Variants in CHN1 observed in about 807,000 individuals in gnomAD.
The protein encoded by CHN1 is chimerin 1.
A neutral mutation model predicts 59.5 loss-of-function variants in CHN1; 37 were observed. That is an observed-to-expected ratio of 0.62 (90% CI 0.48 to 0.82). The LOEUF (loss-of-function observed/expected upper bound fraction) is 0.82, where lower values mean the gene tolerates loss of function less well. CHN1 is among the 40% of genes least tolerant of loss of function. CHN1 has a pLI of 0.00. For missense variants in CHN1, 469 were observed against 571.0 expected, an observed-to-expected ratio of 0.82 and a Z score of 1.82; for synonymous variants, 206 against 200.4, an observed-to-expected ratio of 1.03 and a Z score of -0.24.
intron 1 of CHN1, among the ~76,000 whole-genome samples, chr2:174,968,551 C>A (rs995100840): frequency 2.0e-5 from 3 of 152,188 alleles, no homozygotes; most frequent in Non-Finnish European, 4.4e-5. Flanking sequence ...GAATAAGTTG[C>A]CAAGGGGCAA....
At chr2:174,904,597 G>A (rs1688488014) in intron 5 of CHN1, among the ~76,000 whole-genome samples, 1 of 152,104 alleles carries the variant, frequency 6.6e-6, no homozygotes, top group African/African-American at 2.4e-5. Context: ...CATGTCAGTC[G>A]GGCTGGTCTC....
chr2:174,991,606 G>A (rs1691550508), intron 1 of CHN1, among the ~76,000 whole-genome samples: 1 of 152,134 alleles, frequency 6.6e-6, no homozygotes, highest in African/African-American at 2.4e-5. Flanking sequence ...ACCTGCCCTT[G>A]ACATGAAACA....
chr2:174,840,448 G>A (rs540974537), intron 7 of CHN1, among the ~76,000 whole-genome samples: 14 of 152,218 alleles, frequency 9.2e-5, no homozygotes, highest in Admixed American at 7.2e-4. Context: ...TTACAGGCAT[G>A]AGCCACTGTG....
At chr2:174,951,970 G>A (rs1017435919) in intron 2 of CHN1, among the ~76,000 whole-genome samples, 194 bp downstream of exon 2, 4 of 152,166 alleles carry the variant, frequency 2.6e-5, no homozygotes, top group South Asian at 2.1e-4. Context: ...CATTCCAGAC[G>A]GAAAACCATA....
intron 3 of CHN1, among the ~76,000 whole-genome samples, chr2:174,937,919 A>T (rs192629377): frequency 6.6e-6 from 1 of 152,316 alleles, no homozygotes; most frequent in East Asian, 1.9e-4. Flanking sequence ...TACATTCTGC[A>T]GAACAATGGG....
chr2:174,861,811 C>T (rs186036323), intron 6 of CHN1, among the ~76,000 whole-genome samples: 2 of 152,278 alleles, frequency 1.3e-5, no homozygotes, highest in African/African-American at 4.8e-5. Context: ...GTTTAGGATT[C>T]ATGAACTGTA....
At chr2:174,956,374 G>T (rs1690204069) in intron 1 of CHN1, among the ~76,000 whole-genome samples, 1 of 152,184 alleles carries the variant, frequency 6.6e-6, no homozygotes, top group Non-Finnish European at 1.5e-5. Flanking sequence ...GGAAAAGGAT[G>T]TAAGTCAGAA....
At chr2:174,963,372 G>C (rs1236040561) in intron 1 of CHN1, among the ~76,000 whole-genome samples, 1 of 152,150 alleles carries the variant, frequency 6.6e-6, no homozygotes. Flanking sequence ...ATCACTTTTG[G>C]CCAGAGAGTC....
chr2:174,879,959 C>T (rs1300099730), intron 5 of CHN1, among the ~76,000 whole-genome samples: 1 of 152,184 alleles, frequency 6.6e-6, no homozygotes, highest in Non-Finnish European at 1.5e-5. Context: ...GTTTGATTGA[C>T]TAGGAACTAG....
At chr2:174,850,109 G>T (rs1350689076) in intron 6 of CHN1, among the ~76,000 whole-genome samples, 1 of 152,150 alleles carries the variant, frequency 6.6e-6, no homozygotes, top group Non-Finnish European at 1.5e-5. Flanking sequence ...CCCCTCCTAC[G>T]TGATGGCTTT....
chr2:174,901,193 G>C (rs763959795), intron 5 of CHN1, among the ~76,000 whole-genome samples: 4 of 152,218 alleles, frequency 2.6e-5, no homozygotes, highest in Non-Finnish European at 2.9e-5. Flanking sequence ...ATTCTTAACC[G>C]GGCCTACAAG....
chr2:174,919,450 C>T lies in CHN1; in HGVS notation c.115-885G>A, dbSNP rs553234792. On this transcript the variant is annotated intron_variant, in intron 3 of 12. Transcript: ENST00000409900. Reference sequence around the variant, plus strand: ...ATAGGAACAGCAAAAAAGCTTTTCCCTAGTAGGTACTTTGATGACACCATG... The same window carrying T: ...ATAGGAACAGCAAAAAAGCTTTTCCTTAGTAGGTACTTTGATGACACCATG... Among the ~76,000 whole-genome samples, 13 of 152,168 alleles carry T rather than the reference C, an allele frequency of 8.5e-5. No homozygotes were observed. In the South Asian group the frequency reaches 2.3e-3, roughly 27 times the overall value.
chr2:174,836,965 G>A (rs1438439562), intron 7 of CHN1: 1 of 152,170 alleles, frequency 6.6e-6, no homozygotes, highest in Non-Finnish European at 1.5e-5. Context: ...TGGGAAACAG[G>A]GTTCTGGTGG....
chr2:174,932,865 A>C (rs1017481183), intron 3 of CHN1, among the ~76,000 whole-genome samples: 5 of 152,174 alleles, frequency 3.3e-5, no homozygotes, highest in African/African-American at 1.2e-4. Context: ...CAGCCTGTGG[A>C]ACTATGAGCC....
chr2:174,856,973 C>T (rs1686919242), intron 6 of CHN1, among the ~76,000 whole-genome samples: 1 of 151,912 alleles, frequency 6.6e-6, no homozygotes, highest in Non-Finnish European at 1.5e-5. Context: ...ATTCCTTAAG[C>T]GGAGACAAAA....
chr2:174,947,012 T>C (rs568283895), intron 2 of CHN1, among the ~76,000 whole-genome samples: 1 of 152,244 alleles, frequency 6.6e-6, no homozygotes, highest in Non-Finnish European at 1.5e-5. Context: ...TCTCAAAATA[T>C]TGGTATTTTC....
At chr2:174,965,127 G>A (rs1333335236) in intron 1 of CHN1, among the ~76,000 whole-genome samples, 2 of 151,856 alleles carry the variant, frequency 1.3e-5, no homozygotes, top group African/African-American at 4.8e-5. Context: ...TGACTGATAG[G>A]ATTAAATTTA....
intron 8 of CHN1, among the ~76,000 whole-genome samples, chr2:174,816,570 G>C (rs1311639807): frequency 1.3e-5 from 2 of 152,086 alleles, no homozygotes; most frequent in Admixed American, 6.5e-5. Context: ...ATGGTTCGTG[G>C]GCTTCTCTGG....
Position 174,945,646 on chromosome 2 carries a change from T to C in CHN1, c.59-703A>G, listed in dbSNP as rs150496991. On this transcript the variant is annotated intron_variant, in intron 2 of 12. Coordinates refer to ENST00000409900, the MANE Select transcript of CHN1 (RefSeq NM_001822.7). ...AGAATGAATAGGATGTGTGGCTATA[T>C]ATGTCTAAGTTTATCTCTTAGAGAT... 4.6e-3 allele frequency among the ~76,000 whole-genome samples: 698 copies of C among 152,284 alleles called. 5 individuals carry two copies. The highest frequency in any genetic ancestry group is 7.5e-3 in the Non-Finnish European group (507 of 68,002).
Sources: allele counts gnomAD v4.1 joint callset (sites outside exome capture counted in the v4.1 genomes callset), GRCh38; gene constraint gnomAD v4.1.1; transcripts MANE v1.5; gene names NCBI Gene and HGNC (gene_info 2026-07-23, HGNC 2026-07-21).